The following GOLM2 variants were observed in gnomAD, a reference collection of about 807,000 sequenced individuals.
GOLM2 encodes golgi membrane protein 2.
Under a neutral mutation model 55.9 loss-of-function variants are expected in GOLM2, and 26 were observed. The observed-to-expected ratio is 0.47, with a 90% confidence interval of 0.34 to 0.65. GOLM2 has a LOEUF of 0.65. Among genes scored for constraint, GOLM2 ranks in the 30% least tolerant of loss-of-function variants. GOLM2 has a pLI of 0.01. For synonymous variants in GOLM2, 165 were observed against 194.6 expected (o/e 0.85, Z 1.27); for missense variants, 486 against 531.8 (o/e 0.91, Z 0.85).
chr15:44,399,067 T>C (rs1049458188), intron 8 of GOLM2, among the ~76,000 whole-genome samples: 28 of 152,324 alleles, frequency 1.8e-4, no homozygotes, highest in African/African-American at 6.5e-4. Context: ...ACCCCATCTT[T>C]GTTCTTACCT....
At chr15:44,314,926 C>T (rs2078898771) in intron 1 of GOLM2, among the ~76,000 whole-genome samples, 1 of 152,136 alleles carries the variant, frequency 6.6e-6, no homozygotes, top group Admixed American at 6.6e-5. Context: ...AAGCACTTAG[C>T]CTAGGACCTG....
chr15:44,335,193 C>G (rs1048258973), intron 4 of GOLM2, among the ~76,000 whole-genome samples: 1 of 152,022 alleles, frequency 6.6e-6, no homozygotes, highest in Non-Finnish European at 1.5e-5. Context: ...GCAAATGTAT[C>G]ATGGTAATTA....
intron 6 of GOLM2, among the ~76,000 whole-genome samples, chr15:44,357,326 C>A (rs1393650667): frequency 6.6e-6 from 1 of 151,870 alleles, no homozygotes; most frequent in Non-Finnish European, 1.5e-5. Flanking sequence ...TCAGTGAATA[C>A]AGAAAAAGCA....
At chr15:44,364,820 T>C (rs567964760) in intron 6 of GOLM2, among the ~76,000 whole-genome samples, 1 of 152,174 alleles carries the variant, frequency 6.6e-6, no homozygotes, top group African/African-American at 2.4e-5. Flanking sequence ...TCATGTGTTA[T>C]CAGGGAAATC....
intron 6 of GOLM2, among the ~76,000 whole-genome samples, chr15:44,367,581 G>A (rs2079294442): frequency 6.6e-6 from 1 of 152,052 alleles, no homozygotes; most frequent in Non-Finnish European, 1.5e-5. Flanking sequence ...GGATCATGAG[G>A]TCAAGAGATC....
chr15:44,387,584 G>A (rs1019302593), intron 8 of GOLM2: 1 of 152,100 alleles, frequency 6.6e-6, no homozygotes, highest in African/African-American at 2.4e-5. Context: ...CCAACATGGT[G>A]AAACCCCATC....
intron 1 of GOLM2, among the ~76,000 whole-genome samples, chr15:44,306,361 A>G (rs2078837307): frequency 6.6e-6 from 1 of 151,860 alleles, no homozygotes; most frequent in Non-Finnish European, 1.5e-5. Flanking sequence ...TTTCTTGTAC[A>G]GCTTCTTTAC....
At position 44,332,060 on chromosome 15, in the gene GOLM2, G is replaced by A. The variant is rs1215630869; in HGVS notation, c.558G>A (p.Gln186=). 6.3e-7 allele frequency: 1 copy of A among 1,577,404 alleles called. No individual in the cohort carries two copies. Among genetic ancestry groups the A allele is most frequent in the African/African-American group, 1.4e-5 (1 of 73,972 alleles). Residue 186 remains glutamine, a synonymous_variant, in exon 4 of 10, where the codon CAG becomes CAA. Transcript: ENST00000299957. Reference sequence around the variant, plus strand: ...AAAATATTAAAAAGTTAGCAGACCAGTTTTTAGAGGAACAAAAGGTAAATT... The same window carrying A: ...AAAATATTAAAAAGTTAGCAGACCAATTTTTAGAGGAACAAAAGGTAAATT... The part of the protein sequence containing the change: ...HEENIKKLAD[Q]FLEEQKQETQ...
chr15:44,338,310 TC>T lies in GOLM2; in HGVS notation c.800del (p.Pro267LeufsTer3). On this transcript the variant is annotated frameshift_variant, in exon 6 of 10. Coordinates refer to ENST00000299957, the MANE Select transcript of GOLM2 (RefSeq NM_138423.4). LOFTEE classifies it high-confidence loss of function. ...ATGACCTAGCAAAAGTTGATGATCT[TC>T]CCCCTGGTAAGTAAAAATTGTTAGA... ...ENDLAKVDDL[P>X]PALRKPPISV... The T allele has an allele frequency of 1.9e-6, 3 of 1,611,546 alleles. No homozygotes were observed. In the South Asian group the frequency reaches 3.3e-5, roughly 18 times the overall value.
At chr15:44,297,216 C>T (rs1323445241) in intron 1 of GOLM2, among the ~76,000 whole-genome samples, 1 of 152,226 alleles carries the variant, frequency 6.6e-6, no homozygotes, top group Non-Finnish European at 1.5e-5. Flanking sequence ...AGATCCCTAA[C>T]TAGTCCCCTT....
At chr15:44,345,149 G>A (rs1292294461) in intron 6 of GOLM2, among the ~76,000 whole-genome samples, 4 of 151,648 alleles carry the variant, frequency 2.6e-5, no homozygotes, top group Non-Finnish European at 5.9e-5. Context: ...CGCTCTTGTA[G>A]CCAAGGCTGG....
intron 1 of GOLM2, among the ~76,000 whole-genome samples, chr15:44,298,685 G>A (rs1013713113): frequency 6.6e-6 from 1 of 152,012 alleles, no homozygotes; most frequent in African/African-American, 2.4e-5. Flanking sequence ...TTTTCTCAAC[G>A]AAATTTTAAG....
intron 1 of GOLM2, among the ~76,000 whole-genome samples, chr15:44,314,194 G>A (rs192687788): frequency 0.011 from 1,611 of 148,704 alleles, 33 homozygotes; most frequent in African/African-American, 0.038. Context: ...CTGAGATCGC[G>A]CCACTGCACT....
chr15:44,354,059 G>A (rs1241119014), intron 6 of GOLM2, among the ~76,000 whole-genome samples: 1 of 151,940 alleles, frequency 6.6e-6, no homozygotes, highest in African/African-American at 2.4e-5. Context: ...CACCTACCAT[G>A]TACCCACAAA....
At chr15:44,342,930 C>T (rs963608601) in intron 6 of GOLM2, among the ~76,000 whole-genome samples, 5 of 152,112 alleles carry the variant, frequency 3.3e-5, no homozygotes, top group African/African-American at 9.7e-5. Context: ...ATTTTTTGCC[C>T]TTATATGTAA....
intron 9 of GOLM2, among the ~76,000 whole-genome samples, chr15:44,411,096 A>C (rs2079636032): frequency 7.9e-6 from 1 of 126,996 alleles, no homozygotes; most frequent in Non-Finnish European, 1.5e-5. Flanking sequence ...ATCTCTGCTT[A>C]CTGCAACCTC....
chr15:44,294,658 G>A (rs897524519), intron 1 of GOLM2, among the ~76,000 whole-genome samples: 1 of 148,776 alleles, frequency 6.7e-6, no homozygotes, highest in African/African-American at 2.5e-5. Context: ...AGGTTGCAGT[G>A]AGCTGAGATC....
chr15:44,369,180 A>G (rs1336344773), intron 6 of GOLM2, among the ~76,000 whole-genome samples: 1 of 121,612 alleles, frequency 8.2e-6, no homozygotes, highest in Admixed American at 9.0e-5. Flanking sequence ...ATATCATTTT[A>G]GATATGTGTG....
intron 1 of GOLM2, among the ~76,000 whole-genome samples, chr15:44,316,812 C>T (rs2078913421): frequency 6.6e-6 from 1 of 151,884 alleles, no homozygotes; most frequent in Non-Finnish European, 1.5e-5. Flanking sequence ...TGGCAAAACC[C>T]TGTCTGTACC....
Sources: gnomAD v4.1 joint callset for allele counts (sites outside exome capture counted in the v4.1 genomes callset) on GRCh38, gnomAD v4.1.1 for gene constraint, MANE v1.5 for transcripts, NCBI Gene and HGNC (gene_info 2026-07-23, HGNC 2026-07-21) for gene names.